The following DLG2 variants were observed in gnomAD, a reference collection of about 807,000 sequenced individuals.
DLG2 encodes the protein disks large homolog 2.
DLG2 carries 45 observed loss-of-function variants against 132.5 expected under a neutral mutation model. That is an observed-to-expected ratio of 0.34 (90% CI 0.27 to 0.44). The LOEUF is 0.44. DLG2 is among the 20% of genes least tolerant of loss of function. The pLI, the probability that DLG2 is intolerant of heterozygous loss-of-function variation, is 1.00. For missense variants in DLG2, 1,045 were observed against 1,196.9 expected (o/e 0.87, Z 1.87); for synonymous variants, 424 against 419.6 (o/e 1.01, Z -0.13).
intron 9 of DLG2, among the ~76,000 whole-genome samples, chr11:84,147,878 G>T (rs1235112774): frequency 6.6e-6 from 1 of 151,952 alleles, no homozygotes; most frequent in East Asian, 1.9e-4. Context: ...AAATGTTTGT[G>T]TATAAACATT....
At chr11:83,840,137 C>T (rs888509551) in intron 16 of DLG2, among the ~76,000 whole-genome samples, 3 of 152,196 alleles carry the variant, frequency 2.0e-5, no homozygotes, top group African/African-American at 7.2e-5. Flanking sequence ...GTTCAACCAT[C>T]ACTTCTCTGA....
chr11:83,980,573 G>A lies in DLG2; in HGVS notation c.989C>T (p.Thr330Ile). The change falls in exon 12 of 28, where the codon ACT (threonine) becomes ATT (isoleucine). Residue 330 changes from threonine to isoleucine, a missense_variant. Physicochemically the swap from Thr to Ile is moderately conservative, Grantham distance 89. Transcript: ENST00000376104. Reference protein sequence around the residue: ...HIPGDNSIYVTKIIDGGAAQK... With the variant: ...HIPGDNSIYVIKIIDGGAAQK... ...TGCAGCTCCTCCATCTATAATTTTA[G>A]TTACATAAATGCTGTTGTCTCCAGG... The A allele has an allele frequency of 6.2e-7, 1 of 1,613,632 alleles. No individual in the cohort carries two copies. The highest frequency in any genetic ancestry group is 8.5e-7 in the Non-Finnish European group (1 of 1,179,808).
At position 84,600,238 on chromosome 11, in the gene DLG2, G is replaced by GC. The variant is rs879718181; in HGVS notation, c.358-65508_358-65507insG. On this transcript the variant is annotated intron_variant, in intron 6 of 27. Coordinates refer to ENST00000376104, the MANE Select transcript of DLG2 (RefSeq NM_001142699.3). ...AAAGAAAGAAAGAGAAAGAAAGACA[G>GC]AAAAGCAAGCAAGCAAGCAGGCAGG... is the stretch of plus-strand genomic sequence containing the variant. Among the ~76,000 whole-genome samples, 680 of 97,242 alleles carry GC rather than the reference G, an allele frequency of 7.0e-3. 14 individuals are homozygous for GC. Among genetic ancestry groups the GC allele is most frequent in the African/African-American group, 0.02 (308 of 15,030 alleles). 63.8% of individuals were successfully genotyped at this position (97,242 alleles called of 152,430 possible). A position where few individuals can be genotyped will look rare whatever the true frequency, so the allele number is the denominator to read the frequency against.
chr11:83,661,984 G>T (rs773062184), intron 18 of DLG2, among the ~76,000 whole-genome samples: 4 of 152,182 alleles, frequency 2.6e-5, no homozygotes, highest in Non-Finnish European at 5.9e-5. Flanking sequence ...TAGGACATTT[G>T]TATTTTAATA....
At chr11:85,472,368 C>T (rs2093012050) in intron 3 of DLG2, among the ~76,000 whole-genome samples, 1 of 152,190 alleles carries the variant, frequency 6.6e-6, no homozygotes, top group Admixed American at 6.5e-5. Flanking sequence ...GAGGCGTGAT[C>T]TCAGCTCACT....
chr11:84,157,580 G>C (rs2095455667), intron 9 of DLG2, among the ~76,000 whole-genome samples: 1 of 152,172 alleles, frequency 6.6e-6, no homozygotes, highest in South Asian at 2.1e-4. Flanking sequence ...TCAAGCATGA[G>C]CTGCTATGTC....
chr11:84,668,151 G>A (rs971732252), intron 6 of DLG2, among the ~76,000 whole-genome samples: 1 of 151,808 alleles, frequency 6.6e-6, no homozygotes, highest in Non-Finnish European at 1.5e-5. Context: ...CCCAACAGAG[G>A]GTACCCTTGA....
chr11:83,681,086 C>T (rs1306162544), intron 18 of DLG2, among the ~76,000 whole-genome samples: 1 of 152,086 alleles, frequency 6.6e-6, no homozygotes, highest in Admixed American at 6.5e-5. Flanking sequence ...ACAAGCTAGA[C>T]ACACTTGAAA....
chr11:84,710,978 T>C (rs1308159071), intron 6 of DLG2, among the ~76,000 whole-genome samples: 2 of 144,142 alleles, frequency 1.4e-5, no homozygotes, highest in East Asian at 4.0e-4. Flanking sequence ...AATGTGTTCA[T>C]AAGTCTGACA....
intron 6 of DLG2, among the ~76,000 whole-genome samples, chr11:84,727,407 A>G (rs1450519337): frequency 2.0e-5 from 3 of 152,034 alleles, no homozygotes; most frequent in Non-Finnish European, 4.4e-5. Context: ...ATGGTTTTAT[A>G]TGGTGGTGTT....
chr11:83,716,493 G>A (rs2086733401), intron 18 of DLG2, among the ~76,000 whole-genome samples: 1 of 152,184 alleles, frequency 6.6e-6, no homozygotes, highest in African/African-American at 2.4e-5. Flanking sequence ...GCTCAGTGGT[G>A]TTGCTTTAGA....
intron 7 of DLG2, among the ~76,000 whole-genome samples, chr11:84,332,052 T>C (rs188447898): frequency 1.8e-4 from 27 of 152,276 alleles, no homozygotes; most frequent in Admixed American, 8.5e-4. Context: ...TATGTTCCTT[T>C]GGTGTAATTT....
intron 3 of DLG2, among the ~76,000 whole-genome samples, chr11:85,532,311 G>C (rs996643395): frequency 4.6e-5 from 7 of 152,142 alleles, no homozygotes; most frequent in African/African-American, 1.7e-4. Flanking sequence ...AAACTAGAGG[G>C]AACTGGCTCT....
chr11:84,361,369 A>G (rs1236734389), intron 7 of DLG2, among the ~76,000 whole-genome samples: 4 of 151,982 alleles, frequency 2.6e-5, no homozygotes, highest in Non-Finnish European at 5.9e-5. Flanking sequence ...ATAAAGAACA[A>G]AGGATGACAG....
intron 6 of DLG2, among the ~76,000 whole-genome samples, chr11:84,572,887 T>G (rs886713858): frequency 3.9e-5 from 6 of 152,138 alleles, no homozygotes; most frequent in Non-Finnish European, 7.4e-5. Flanking sequence ...TCCATGGGAT[T>G]TGGGAACCAA....
chr11:84,880,933 C>T (rs1236149717), intron 6 of DLG2, among the ~76,000 whole-genome samples: 1 of 152,056 alleles, frequency 6.6e-6, no homozygotes, highest in East Asian at 1.9e-4. Flanking sequence ...TTATGCAAGG[C>T]ATGTTTCTAA....
At chr11:84,890,937 A>T (rs2154063708) in intron 6 of DLG2, 1 of 152,264 alleles carries the variant, frequency 6.6e-6, no homozygotes, top group African/African-American at 2.4e-5. Flanking sequence ...TTCCTCTTGG[A>T]ATGTTGGTTG....
chr11:83,621,812 C>A (rs1424038068), intron 19 of DLG2, among the ~76,000 whole-genome samples: 1 of 152,078 alleles, frequency 6.6e-6, no homozygotes, highest in Non-Finnish European at 1.5e-5. Context: ...TGTCCTAAGT[C>A]GGGGGTCAAC....
At chr11:84,235,179 A>G (rs536351213) in intron 8 of DLG2, among the ~76,000 whole-genome samples, 1 of 152,324 alleles carries the variant, frequency 6.6e-6, no homozygotes, top group African/African-American at 2.4e-5. Context: ...TACTCTCTTC[A>G]AGTTGTTCCA....
Sources: allele counts gnomAD v4.1 joint callset (sites outside exome capture counted in the v4.1 genomes callset), GRCh38; gene constraint gnomAD v4.1.1; transcripts MANE v1.5; gene names NCBI Gene and HGNC (gene_info 2026-07-23, HGNC 2026-07-21).